RASA3: variants seen among roughly 807,000 people sequenced by gnomAD.
The protein encoded by RASA3 is ras GTPase-activating protein 3.
In RASA3, 73 loss-of-function variants were observed where a neutral mutation model predicts 110.0. The observed-to-expected ratio is 0.66, with a 90% CI of 0.55 to 0.81. The LOEUF (loss-of-function observed/expected upper bound fraction) is 0.81, where lower values mean the gene tolerates loss of function less well. Ranked by LOEUF, RASA3 falls within the 30% of genes least tolerant of loss-of-function variation. The pLI is 0.00. For missense variants in RASA3, 976 were observed against 1,113.2 expected (o/e 0.88, Z 1.75); for synonymous variants, 500 against 451.4 (o/e 1.11, Z -1.37).
chr13:114,009,671 C>T (rs146635025), intron 16 of RASA3, among the ~76,000 whole-genome samples: 34 of 152,364 alleles, frequency 2.2e-4, no homozygotes, highest in Middle Eastern at 6.8e-3. Context: ...GACCATCAGA[C>T]CTGCCAGTGC....
chr13:114,069,685 GGGGGGCCAGGAGACTC>G (rs2079527667), intron 2 of RASA3, among the ~76,000 whole-genome samples: 2 of 50,760 alleles, frequency 3.9e-5, no homozygotes, highest in Non-Finnish European at 3.8e-5. Flanking sequence ...CCGGGAAACT[GGGGGGCCAGGAGACTC>G]GGGGGGCCAG....
intron 4 of RASA3, 140 bp downstream of exon 4, chr13:114,040,859 GA>G: frequency 1.3e-6 from 1 of 781,342 alleles, no homozygotes; most frequent in Non-Finnish European, 2.1e-6. Context: ...ACAAGTGGGC[GA>G]ACACGCAATC....
chr13:114,057,600 A>C lies in RASA3; in HGVS notation c.174-5445T>G. On this transcript the variant is annotated intron_variant, in intron 2 of 23. Coordinates refer to ENST00000334062, the MANE Select transcript of RASA3 (RefSeq NM_007368.4). The surrounding 1 kb of genome is among the most constrained non-coding windows in gnomAD (Gnocchi z 5.0). ...AAACCTCTCCCCACAATGACTGTGCACAGAGCCAGCCTGACACCCAAGGCC... is the reference window on the plus strand; with the variant it reads ...AAACCTCTCCCCACAATGACTGTGCCCAGAGCCAGCCTGACACCCAAGGCC... 1 of 829,342 alleles carries C rather than the reference A, an allele frequency of 1.2e-6. No homozygotes were observed. The highest frequency in any genetic ancestry group is 1.5e-6 in the Non-Finnish European group (1 of 687,930). 51.4% of individuals were successfully genotyped at this position (829,342 alleles called of 1,614,324 possible).
chr13:114,105,898 G>A, intron 1 of RASA3, among the ~76,000 whole-genome samples: 1 of 152,216 alleles, frequency 6.6e-6, no homozygotes, highest in South Asian at 2.1e-4. Flanking sequence ...GAATCAGCGT[G>A]GGGGAAAGGA....
At chr13:114,075,485 A>G (rs9525239) in intron 1 of RASA3, among the ~76,000 whole-genome samples, 30,905 of 64,326 alleles carry the variant, frequency 0.48, 7,381 homozygotes, top group African/African-American at 0.62. Flanking sequence ...GTGTGGAGGC[A>G]CCGGCAGGAC....
chr13:114,080,296 C>A (rs984748213), intron 1 of RASA3, among the ~76,000 whole-genome samples: 1 of 152,160 alleles, frequency 6.6e-6, no homozygotes, highest in Admixed American at 6.5e-5. Flanking sequence ...CTGCTGGGAG[C>A]CCCTGGCACC....
chr13:114,116,523 G>C lies in RASA3; in HGVS notation c.55+15912C>G, dbSNP rs112448500. Reference sequence around the variant, plus strand: ...GGGAAAACTGCACCTTACGGCACACGAACCCTTAGAAGAGGCAAAACACTA... The same window carrying C: ...GGGAAAACTGCACCTTACGGCACACCAACCCTTAGAAGAGGCAAAACACTA... On this transcript the variant is annotated intron_variant, in intron 1 of 23. Transcript: ENST00000334062. 7.8e-5 allele frequency among the ~76,000 whole-genome samples: 9 copies of C among 115,704 alleles called. 2 individuals carry two copies. The highest frequency in any genetic ancestry group is 7.7e-4 in the Admixed American group (9 of 11,732). The allele number at this position is 115,704 out of a possible 152,430, so 75.9% of individuals were successfully genotyped here.
intron 11 of RASA3, 45 bp from the exon 12 acceptor site, chr13:114,017,396 G>A: frequency 6.6e-7 from 1 of 1,517,052 alleles, no homozygotes; most frequent in Non-Finnish European, 9.1e-7. Flanking sequence ...TGGGGACGCG[G>A]AAGTGCAGAC....
intron 1 of RASA3, among the ~76,000 whole-genome samples, chr13:114,120,581 T>C (rs1307514469): frequency 7.3e-6 from 1 of 136,546 alleles, no homozygotes; most frequent in East Asian, 2.1e-4. Context: ...CTCCCTCCTC[T>C]CTCCAGCCAG....
At position 114,123,784 on chromosome 13, in the gene RASA3, C is replaced by A. The variant is rs914230996; in HGVS notation, c.55+8651G>T. On this transcript the variant is annotated intron_variant, in intron 1 of 23. Coordinates refer to ENST00000334062, the MANE Select transcript of RASA3 (RefSeq NM_007368.4). Reference sequence around the variant, plus strand: ...GGGAGCCACGGCCCCCATGCAGGTCCTAAGTGGACATCTGTCTGGTCGGTG... The same window carrying A: ...GGGAGCCACGGCCCCCATGCAGGTCATAAGTGGACATCTGTCTGGTCGGTG... 4.6e-5 allele frequency among the ~76,000 whole-genome samples: 7 copies of A among 152,222 alleles called. No homozygotes were observed. In the East Asian group the frequency reaches 1.2e-3, roughly 25 times the overall value.
chr13:114,069,490 G>GGGGGCTGAGAGACTCA (rs1566547865), intron 2 of RASA3, among the ~76,000 whole-genome samples: 2 of 10,198 alleles, frequency 2.0e-4, no homozygotes, highest in Admixed American at 8.6e-4. Flanking sequence ...CGGGAGACTC[G>GGGGGCTGAGAGACTCA]GGGGACCAGG....
intron 1 of RASA3, among the ~76,000 whole-genome samples, chr13:114,121,187 G>A (rs1385515364): frequency 6.6e-6 from 1 of 152,254 alleles, no homozygotes; most frequent in East Asian, 1.9e-4. Context: ...AAAGGCAGGT[G>A]CATCCCAGCA....
At chr13:114,034,116 G>A (rs1389549259) in intron 4 of RASA3, among the ~76,000 whole-genome samples, 2 of 152,088 alleles carry the variant, frequency 1.3e-5, no homozygotes, top group East Asian at 1.9e-4. Context: ...GGCTATCCAC[G>A]GGCTAAAGGA....
intron 2 of RASA3, among the ~76,000 whole-genome samples, chr13:114,059,163 C>T (rs1476645681): frequency 2.0e-5 from 3 of 152,144 alleles, no homozygotes; most frequent in Admixed American, 1.3e-4. Flanking sequence ...AGTGACAGGG[C>T]GAGATCCTGT....
At chr13:114,022,937 C>G (rs1391259633) in intron 8 of RASA3, among the ~76,000 whole-genome samples, 1 of 152,138 alleles carries the variant, frequency 6.6e-6, no homozygotes. Flanking sequence ...AGGACCCTGA[C>G]CCCTCAGGAG....
At chr13:113,999,310 C>A (rs61971827) in intron 20 of RASA3, among the ~76,000 whole-genome samples, 2 of 152,184 alleles carry the variant, frequency 1.3e-5, no homozygotes, top group African/African-American at 2.4e-5. Flanking sequence ...GGGGACCCTG[C>A]GGGGGACGCC....
rs995761281 is a variant in RASA3 at position 114,048,766 on chromosome 13, C to A, written c.277+3286G>T. ...AGCAGCGCTCTGTGGGCCATGGACC[C>A]AGGGACAGAGGAGGCTACGGTCACG... On this transcript the variant is annotated intron_variant, in intron 3 of 23. Transcript: ENST00000334062. The surrounding 1 kb of genome is among the most constrained non-coding windows in gnomAD (Gnocchi z 4.3). 6.6e-6 allele frequency among the ~76,000 whole-genome samples: 1 copy of A among 152,134 alleles called. No individual in the cohort carries two copies. Among genetic ancestry groups the A allele is most frequent in the Non-Finnish European group, 1.5e-5 (1 of 68,018 alleles).
intron 2 of RASA3, among the ~76,000 whole-genome samples, chr13:114,070,262 C>A (rs1402353051): frequency 1.3e-5 from 2 of 151,308 alleles, no homozygotes; most frequent in Admixed American, 6.6e-5. Context: ...GGGGGACCGG[C>A]CCCAAAGTGG....
At chr13:114,117,233 G>A (rs558675569) in intron 1 of RASA3, among the ~76,000 whole-genome samples, 1 of 95,958 alleles carries the variant, frequency 1.0e-5, no homozygotes, top group Non-Finnish European at 2.4e-5. Context: ...AGGGGTGCAT[G>A]TGTGTGAGGG....
Sources: gnomAD v4.1 joint callset for allele counts (sites outside exome capture counted in the v4.1 genomes callset) on GRCh38, gnomAD v4.1.1 for gene constraint, Gnocchi (gnomAD v3.1) non-coding constraint, MANE v1.5 for transcripts, NCBI Gene and HGNC (gene_info 2026-07-23, HGNC 2026-07-21) for gene names.